CELF2: variants seen among roughly 807,000 people sequenced by gnomAD.
The protein encoded by CELF2 is CUG triplet repeat RNA-binding protein 2.
Under a neutral mutation model 62.6 loss-of-function variants are expected in CELF2, and 8 were observed. That is an observed-to-expected ratio of 0.13 (90% CI 0.07 to 0.23). CELF2 has a LOEUF of 0.23. CELF2 is among the 10% of genes least tolerant of loss of function. The probability of loss-of-function intolerance (pLI) is 1.00; values close to 1 mark genes in which losing one functional copy is unlikely to be tolerated. For synonymous variants in CELF2, 258 were observed against 250.0 expected (o/e 1.03, Z -0.30); for missense variants, 333 against 671.0 (o/e 0.50, Z 5.56).
chr10:11,313,996 T>A (rs1330956713), intron 9 of CELF2, 143 bp from the exon 10 acceptor site: 15 of 837,672 alleles, frequency 1.8e-5, no homozygotes, highest in Non-Finnish European at 2.9e-5. Flanking sequence ...TTGCCACAAG[T>A]ACAATCCCAC....
the CELF2 span, among the ~76,000 whole-genome samples, chr10:10,547,692 A>AGTGTGTGTGTGT: frequency 7.2e-6 from 1 of 138,006 alleles, no homozygotes; most frequent in African/African-American, 2.8e-5. Flanking sequence ...AGAGAGAGAG[A>AGTGTGTGTGTGT]GTGTGTGTGT....
intron 2 of CELF2, among the ~76,000 whole-genome samples, chr10:10,943,964 T>A (rs943893245): frequency 3.9e-5 from 6 of 152,134 alleles, no homozygotes; most frequent in African/African-American, 1.4e-4. Flanking sequence ...AGCCATGCCT[T>A]AAAAAGTAGT....
chr10:11,119,646 A>G (rs116323489), intron 1 of CELF2, among the ~76,000 whole-genome samples: 8,495 of 152,284 alleles, frequency 0.056, 288 homozygotes, highest in Middle Eastern at 0.065. Flanking sequence ...TTTAAAAATC[A>G]AAAACCCTAG....
the CELF2 span, among the ~76,000 whole-genome samples, chr10:10,493,520 GTT>G: frequency 1.1e-5 from 1 of 91,806 alleles, no homozygotes; most frequent in Non-Finnish European, 2.7e-5. Flanking sequence ...GATTTTGGGC[GTT>G]TTTTTTTTGT....
At position 11,226,283 on chromosome 10, in the gene CELF2, C is replaced by A. The variant is rs144007440; in HGVS notation, c.354+8776C>A. On this transcript the variant is annotated intron_variant, in intron 3 of 12. Coordinates refer to ENST00000633077, the MANE Select transcript of CELF2 (RefSeq NM_001326342.2). ...AACTTGTTTGGGGTTAAACAGCTGGCACCTGACTTTACAGGCAGTTGGGTA... is the reference window on the plus strand; with the variant it reads ...AACTTGTTTGGGGTTAAACAGCTGGAACCTGACTTTACAGGCAGTTGGGTA... 2.8e-3 allele frequency among the ~76,000 whole-genome samples: 426 copies of A among 152,366 alleles called. 5 individuals are homozygous for A. Among genetic ancestry groups the A allele is most frequent in the African/African-American group, 9.5e-3 (397 of 41,592 alleles).
rs1467859155 is a variant in CELF2 at position 11,314,459 on chromosome 10, C to A, written c.1096+201C>A. On this transcript the variant is annotated intron_variant, in intron 10 of 12. Transcript: ENST00000633077. The surrounding 1 kb of genome is among the most constrained non-coding windows in gnomAD (Gnocchi z 5.3). ...AGAAAATCCCCAACCACTCTCCACC[C>A]CCAGATTCTCTTCAGTGTGTAGCAC... 3.0e-6 allele frequency: 2 copies of A among 671,592 alleles called. No individual in the cohort carries two copies. The highest frequency in any genetic ancestry group is 3.5e-5 in the African/African-American group (2 of 56,672). The allele number at this position is 671,592 out of a possible 1,614,324, so 41.6% of individuals were successfully genotyped here.
At chr10:10,982,901 T>C (rs995481387) in intron 2 of CELF2, among the ~76,000 whole-genome samples, 22 of 143,254 alleles carry the variant, frequency 1.5e-4, no homozygotes, top group Admixed American at 1.2e-3. Flanking sequence ...AATTTTCTGG[T>C]GTGTGTTTTT....
At chr10:10,787,785 T>C in the CELF2 span, among the ~76,000 whole-genome samples, 6 of 152,306 alleles carry the variant, frequency 3.9e-5, no homozygotes, top group East Asian at 1.2e-3. Context: ...CTGCATTCTA[T>C]ATTCCCCTTT....
chr10:11,129,237 A>C (rs1018447290), intron 1 of CELF2, among the ~76,000 whole-genome samples: 59 of 152,264 alleles, frequency 3.9e-4, no homozygotes, highest in African/African-American at 1.3e-3. Context: ...CCGACTTGAT[A>C]TTGGTGGATA....
intron 1 of CELF2, among the ~76,000 whole-genome samples, chr10:11,041,752 A>T (rs893352613): frequency 6.6e-6 from 1 of 152,198 alleles, no homozygotes; most frequent in Non-Finnish European, 1.5e-5. Flanking sequence ...TGATCCTTCC[A>T]TCAGGACATA....
At chr10:10,849,167 C>T (rs1322734252) in intron 1 of CELF2, among the ~76,000 whole-genome samples, 5 of 151,148 alleles carry the variant, frequency 3.3e-5, no homozygotes, top group Admixed American at 6.6e-5. Flanking sequence ...AAGGCTGAGG[C>T]GGGCGGATCT....
intron 1 of CELF2, among the ~76,000 whole-genome samples, chr10:10,868,496 C>A (rs368610614): frequency 3.9e-5 from 6 of 152,202 alleles, no homozygotes; most frequent in East Asian, 1.9e-4. Context: ...CTGCTATATT[C>A]TATTGGTCAA....
chr10:10,638,460 C>T, the CELF2 span, among the ~76,000 whole-genome samples: 1 of 152,168 alleles, frequency 6.6e-6, no homozygotes, highest in Admixed American at 6.5e-5. Flanking sequence ...TGAGCTAGTC[C>T]ATACAGTATC....
At chr10:10,620,977 A>G in the CELF2 span, among the ~76,000 whole-genome samples, 3 of 146,840 alleles carry the variant, frequency 2.0e-5, no homozygotes, top group African/African-American at 7.5e-5. Flanking sequence ...TAATCCCAGC[A>G]CTTTGGGAGG....
rs1363931393 is a variant in CELF2 at position 11,010,233 on chromosome 10, A to T, written c.53+4793A>T. 6.6e-6 allele frequency: 1 copy of T among 152,132 alleles called. No homozygotes were observed. The highest frequency in any genetic ancestry group is 1.5e-5 in the Non-Finnish European group (1 of 68,020). The allele number at this position is 152,132 out of a possible 1,614,324, so 9.4% of individuals were successfully genotyped here. A position where few individuals can be genotyped will look rare whatever the true frequency, so the allele number is the denominator to read the frequency against. ...CTCATGTTGACCTTGTTTATGAAAAACGATTTGATAAAAACGAATGGAGAC... is the reference window on the plus strand; with the variant it reads ...CTCATGTTGACCTTGTTTATGAAAATCGATTTGATAAAAACGAATGGAGAC... On this transcript the variant is annotated intron_variant, in intron 1 of 12. Coordinates refer to the CELF2 transcript ENST00000416382. This position sits in a 1 kb window ranked among gnomAD's most constrained non-coding sequence, Gnocchi z 4.1.
chr10:10,651,272 A>G, the CELF2 span, among the ~76,000 whole-genome samples: 1 of 145,020 alleles, frequency 6.9e-6, no homozygotes, highest in African/African-American at 2.5e-5. Flanking sequence ...ATCAAACTGC[A>G]AGGCGGCAGT....
At chr10:10,968,710 T>C (rs2050420576) in intron 2 of CELF2, among the ~76,000 whole-genome samples, 1 of 150,520 alleles carries the variant, frequency 6.6e-6, no homozygotes, top group African/African-American at 2.4e-5. Context: ...TATTAATGGA[T>C]TTTACTAAAA....
At chr10:11,041,581 G>A (rs914367445) in intron 1 of CELF2, among the ~76,000 whole-genome samples, 2 of 152,174 alleles carry the variant, frequency 1.3e-5, no homozygotes, top group Admixed American at 6.5e-5. Context: ...GTAAGACTTC[G>A]TATTAACAAT....
intron 1 of CELF2, among the ~76,000 whole-genome samples, chr10:10,869,911 G>A (rs2060628623): frequency 6.6e-6 from 1 of 152,072 alleles, no homozygotes; most frequent in Admixed American, 6.5e-5. Flanking sequence ...AGGAGTATAA[G>A]GATCAGTCAC....
Sources: gnomAD v4.1 joint callset for allele counts (sites outside exome capture counted in the v4.1 genomes callset) on GRCh38, gnomAD v4.1.1 for gene constraint, Gnocchi (gnomAD v3.1) non-coding constraint, MANE v1.5 for transcripts, NCBI Gene and HGNC (gene_info 2026-07-23, HGNC 2026-07-21) for gene names.